Variants in IPO5 observed in about 807,000 individuals in gnomAD.
IPO5 encodes importin-5.
In IPO5, 18 loss-of-function variants were observed where a neutral mutation model predicts 143.3. The ratio of observed to expected loss-of-function variants is 0.13; its 90% confidence interval spans 0.09 to 0.19. The LOEUF (loss-of-function observed/expected upper bound fraction) is 0.19, where lower values mean the gene tolerates loss of function less well. IPO5 is among the 10% of genes least tolerant of loss of function. The pLI is 1.00. For missense variants in IPO5, 1,013 were observed against 1,336.9 expected, an observed-to-expected ratio of 0.76 and a Z score of 3.78; for synonymous variants, 477 against 465.7, an observed-to-expected ratio of 1.02 and a Z score of -0.31.
At chr13:98,021,453 CTT>C (rs1890482062) in intron 28 of IPO5, 1 of 348,664 alleles carries the variant, frequency 2.9e-6, no homozygotes. Flanking sequence ...TGCCAAAAAA[CTT>C]TATATGATTT....
intron 18 of IPO5, among the ~76,000 whole-genome samples, chr13:98,009,679 A>AT (rs1013679242): frequency 6.6e-6 from 1 of 152,210 alleles, no homozygotes; most frequent in African/African-American, 2.4e-5. Flanking sequence ...CCTGCTGTCC[A>AT]TATCCCAGTG....
chr13:97,960,850 C>A (rs1594007857), intron 2 of IPO5, among the ~76,000 whole-genome samples: 1 of 152,156 alleles, frequency 6.6e-6, no homozygotes, highest in Admixed American at 6.5e-5. Flanking sequence ...TGAGCCACCT[C>A]ACCCAGCCTA....
chr13:98,006,527 A>G (rs1889269271), intron 17 of IPO5, among the ~76,000 whole-genome samples, 179 bp downstream of exon 17: 1 of 151,144 alleles, frequency 6.6e-6, no homozygotes, highest in Non-Finnish European at 1.5e-5. Context: ...GACGCCCGCC[A>G]CCACGCCCGG....
At position 98,022,709 on chromosome 13, in the gene IPO5, AAG is replaced by A. The variant is rs1384534758; in HGVS notation, c.*888_*889del. 6.6e-6 allele frequency: 1 copy of A among 152,204 alleles called. No homozygotes were observed. Among genetic ancestry groups the A allele is most frequent in the Non-Finnish European group, 1.5e-5 (1 of 68,032 alleles). The allele number at this position is 152,204 out of a possible 1,614,324, so 9.4% of individuals were successfully genotyped here. On this transcript the variant is annotated 3_prime_UTR_variant, in exon 29 of 29. Transcript: ENST00000651721. ...TCCATTCACAATTGGTGTTCTTTTT[AAG>A]GTTTGCAAATTTCAGCCAATTTTGT...
chr13:98,010,983 T>C (rs1032170400), intron 20 of IPO5, among the ~76,000 whole-genome samples: 3 of 151,536 alleles, frequency 2.0e-5, no homozygotes, highest in Non-Finnish European at 2.9e-5. Flanking sequence ...GTTTCACCAT[T>C]TTGGCCAGGC....
intron 6 of IPO5, 32 bp from the exon 7 acceptor site, chr13:97,989,030 A>C (rs1484124311): frequency 1.2e-5 from 16 of 1,315,632 alleles, no homozygotes; most frequent in Non-Finnish European, 1.8e-5. Flanking sequence ...TCTGACTTAC[A>C]CAACTTTATG....
At chr13:98,000,950 A>G (rs1888717775) in intron 13 of IPO5, 1 of 322,864 alleles carries the variant, frequency 3.1e-6, no homozygotes, top group Non-Finnish European at 5.7e-6. Flanking sequence ...AAAAGAAGAA[A>G]CTCTATCTAA....
Position 97,985,412 on chromosome 13 carries a change from T to C in IPO5, c.172-9T>C, listed in dbSNP as rs781074571. 6.2e-7 allele frequency: 1 copy of C among 1,606,016 alleles called. No individual in the cohort carries two copies. Among genetic ancestry groups the C allele is most frequent in the Admixed American group, 1.7e-5 (1 of 59,884 alleles). On this transcript the variant is annotated splice_polypyrimidine_tract_variant and intron_variant, in intron 5 of 28. Transcript: ENST00000651721. ...GAATCTAGTTATTAACAATGTTATCTGTTTATAGGCTAGACAAATGGCCGC... is the reference window on the plus strand; with the variant it reads ...GAATCTAGTTATTAACAATGTTATCCGTTTATAGGCTAGACAAATGGCCGC...
rs73556520 is a variant in IPO5, at chr13:97,962,859, T to C, written c.-112-6864T>C. Among the ~76,000 whole-genome samples the C allele has an allele frequency of 2.5e-3, 381 of 151,450 alleles. 2 individuals are homozygous for C. Among genetic ancestry groups the C allele is most frequent in the African/African-American group, 8.8e-3 (364 of 41,296 alleles). ...AGATAGATAGATTTATTTTAAGGAA[T>C]CTGCTACATAATTATGAGAGATGGA... is the stretch of plus-strand genomic sequence containing the variant. On this transcript the variant is annotated intron_variant, in intron 2 of 28. Coordinates refer to ENST00000651721, the MANE Select transcript of IPO5 (RefSeq NM_002271.6).
intron 2 of IPO5, among the ~76,000 whole-genome samples, chr13:97,961,996 G>A (rs1247444258): frequency 1.3e-5 from 2 of 152,100 alleles, no homozygotes; most frequent in African/African-American, 4.8e-5. Context: ...GGGCGTGGGG[G>A]CGCACACCTG....
rs142682675 is a variant in IPO5 at position 97,955,042 on chromosome 13, A to T, written c.-113+844A>T. Among the ~76,000 whole-genome samples the T allele has an allele frequency of 4.7e-4, 71 of 152,282 alleles. 1 individual carries two copies. The East Asian group carries it at 0.013, about 29-fold the overall frequency. On this transcript the variant is annotated intron_variant, in intron 2 of 28. Transcript: ENST00000651721. ...TAGGAGTTTAAGGTCAGCCTAGGCAACATAGTGAGACCCTGTCTCTACAAA... is the reference window on the plus strand; with the variant it reads ...TAGGAGTTTAAGGTCAGCCTAGGCATCATAGTGAGACCCTGTCTCTACAAA...
rs914340484 is a variant in IPO5, at chr13:98,001,339, A to G, written c.1108+694A>G. 7.2e-5 allele frequency among the ~76,000 whole-genome samples: 11 copies of G among 152,044 alleles called. No homozygotes were observed. In the East Asian group the frequency reaches 2.1e-3, roughly 29 times the overall value. ...TTAAAATTCAGAAGTATTAAGTTAGAAATTTGTTTGTTTTTTGGTGGAATC... is the reference window on the plus strand; with the variant it reads ...TTAAAATTCAGAAGTATTAAGTTAGGAATTTGTTTGTTTTTTGGTGGAATC... On this transcript the variant is annotated intron_variant, in intron 13 of 28. Transcript: ENST00000651721.
intron 4 of IPO5, among the ~76,000 whole-genome samples, chr13:97,980,955 C>T (rs1386945300): frequency 6.6e-6 from 1 of 151,662 alleles, no homozygotes; most frequent in Non-Finnish European, 1.5e-5. Flanking sequence ...TAGTGAGATA[C>T]TTTTTAAATG....
chr13:97,969,175 ATTTT>A (rs60300496), intron 2 of IPO5, among the ~76,000 whole-genome samples: 3 of 43,904 alleles, frequency 6.8e-5, no homozygotes, highest in South Asian at 1.1e-3. Context: ...ATATATATAT[ATTTT>A]TTTTTTTTTT....
In IPO5 at chr13:98,018,470, G is replaced by T. The variant is rs765810098; in HGVS notation, c.2617-15G>T. On this transcript the variant is annotated splice_polypyrimidine_tract_variant and intron_variant, in intron 25 of 28. Coordinates refer to ENST00000651721, the MANE Select transcript of IPO5 (RefSeq NM_002271.6). Reference sequence around the variant, plus strand: ...ACACCAGTATTTGAAGCTTAAAAGAGAATTTCTTTTGTAGTGTCCACATAG... The same window carrying T: ...ACACCAGTATTTGAAGCTTAAAAGATAATTTCTTTTGTAGTGTCCACATAG... 2 of 1,576,374 alleles carry T rather than the reference G, an allele frequency of 1.3e-6. No homozygotes were observed. The highest frequency in any genetic ancestry group is 2.2e-5 in the South Asian group (2 of 89,564).
intron 11 of IPO5, among the ~76,000 whole-genome samples, chr13:97,994,064 T>C (rs976339656): frequency 6.6e-6 from 1 of 152,210 alleles, no homozygotes; most frequent in Non-Finnish European, 1.5e-5. Context: ...CCCAACACTT[T>C]GGGAGGCCGA....
intron 2 of IPO5, among the ~76,000 whole-genome samples, chr13:97,961,340 C>T (rs1000136759): frequency 1.8e-4 from 27 of 152,040 alleles, no homozygotes; most frequent in African/African-American, 6.3e-4. Context: ...TGCACATATA[C>T]CTAGGAGTGA....
chr13:97,959,065 G>A (rs887451609), intron 2 of IPO5, among the ~76,000 whole-genome samples: 3 of 151,788 alleles, frequency 2.0e-5, no homozygotes, highest in African/African-American at 2.4e-5. Flanking sequence ...CCAGCTACTC[G>A]GGAGGCTGAG....
chr13:98,018,378 T>C, intron 25 of IPO5, 107 bp from the exon 26 acceptor site: 1 of 791,860 alleles, frequency 1.3e-6, no homozygotes, highest in Non-Finnish European at 2.1e-6. Context: ...TTTTTTCTTT[T>C]GCCTGTATGA....
Sources: allele counts gnomAD v4.1 joint callset (sites outside exome capture counted in the v4.1 genomes callset), GRCh38; gene constraint gnomAD v4.1.1; transcripts MANE v1.5; gene names NCBI Gene and HGNC (gene_info 2026-07-23, HGNC 2026-07-21).